NFIL3: variants seen among roughly 807,000 people sequenced by gnomAD.
The protein encoded by NFIL3 is nuclear factor interleukin-3-regulated protein.
NFIL3 carries 5 observed loss-of-function variants against 10.0 expected under a neutral mutation model. The observed-to-expected ratio is 0.50, with a 90% confidence interval of 0.26 to 1.06. The LOEUF is 1.06. Among genes scored for constraint, NFIL3 ranks in the 50% least tolerant of loss-of-function variants. NFIL3 has a pLI of 0.13. For synonymous variants in NFIL3, 202 were observed against 206.5 expected (o/e 0.98, Z 0.19); for missense variants, 436 against 547.6 (o/e 0.80, Z 2.03).
the NFIL3 span, among the ~76,000 whole-genome samples, chr9:91,470,534 G>A: frequency 6.6e-6 from 1 of 151,976 alleles, no homozygotes; most frequent in South Asian, 2.1e-4. Context: ...GTTCTGCTCT[G>A]ATCTTAGTTA....
the NFIL3 span, among the ~76,000 whole-genome samples, chr9:91,478,534 A>C: frequency 6.6e-6 from 1 of 151,872 alleles, no homozygotes; most frequent in African/African-American, 2.4e-5. Flanking sequence ...TCTAGTTAGC[A>C]GTTCCTCTAA....
the NFIL3 span, among the ~76,000 whole-genome samples, chr9:91,466,603 G>C: frequency 3.3e-5 from 5 of 152,120 alleles, no homozygotes; most frequent in African/African-American, 1.2e-4. Flanking sequence ...TAATACTTAA[G>C]TTGTAAGACA....
At chr9:91,438,133 G>A in the NFIL3 span, among the ~76,000 whole-genome samples, 2 of 152,102 alleles carry the variant, frequency 1.3e-5, no homozygotes, top group Admixed American at 6.6e-5. Flanking sequence ...CCAGCACTAT[G>A]CAAGCCTTCC....
chr9:91,416,241 T>C (rs552065821), intron 1 of NFIL3, among the ~76,000 whole-genome samples: 1 of 152,050 alleles, frequency 6.6e-6, no homozygotes, highest in East Asian at 1.9e-4. Flanking sequence ...GACCCTCTCA[T>C]TTTGCAGATT....
At chr9:91,422,946 A>C (rs147407227) in intron 1 of NFIL3, among the ~76,000 whole-genome samples, 28 of 152,346 alleles carry the variant, frequency 1.8e-4, no homozygotes, top group African/African-American at 6.3e-4. Flanking sequence ...ACATACGCGC[A>C]TATTCCCACA....
the NFIL3 span, among the ~76,000 whole-genome samples, chr9:91,463,473 A>G: frequency 3.3e-5 from 5 of 151,972 alleles, no homozygotes; most frequent in Non-Finnish European, 7.4e-5. Flanking sequence ...GACAAATGTA[A>G]TATATAGAAG....
chr9:91,436,622 A>AACAAC, the NFIL3 span, among the ~76,000 whole-genome samples: 645 of 131,772 alleles, frequency 4.9e-3, 3 homozygotes, highest in African/African-American at 0.013. Context: ...ACAACAACAA[A>AACAAC]GAGTTGAAGG....
the NFIL3 span, among the ~76,000 whole-genome samples, chr9:91,446,792 T>TTC: frequency 0.075 from 10,971 of 145,512 alleles, 419 homozygotes; most frequent in Middle Eastern, 0.12. Flanking sequence ...CTCCCTCCCT[T>TTC]TCTCTCTCTC....
At chr9:91,438,797 T>C in the NFIL3 span, among the ~76,000 whole-genome samples, 449 of 152,316 alleles carry the variant, frequency 2.9e-3, 8 homozygotes, top group East Asian at 0.044. Context: ...CTTGGTGCCT[T>C]GGTCAAAACT....
intron 1 of NFIL3, among the ~76,000 whole-genome samples, chr9:91,419,997 G>A (rs538094384): frequency 6.6e-6 from 1 of 152,294 alleles, no homozygotes; most frequent in Admixed American, 6.5e-5. Context: ...TTTAGATAGA[G>A]AAATCATCCA....
chr9:91,458,605 T>C, the NFIL3 span, among the ~76,000 whole-genome samples: 1 of 152,166 alleles, frequency 6.6e-6, no homozygotes, highest in Non-Finnish European at 1.5e-5. Context: ...GTTTTATTGA[T>C]TCTATTTTTT....
chr9:91,450,302 G>A, the NFIL3 span, among the ~76,000 whole-genome samples: 2 of 152,096 alleles, frequency 1.3e-5, no homozygotes, highest in Middle Eastern at 3.4e-3. Context: ...TTAGGCTACT[G>A]ATGTGAGATC....
chr9:91,478,612 G>A, the NFIL3 span, among the ~76,000 whole-genome samples: 1 of 151,996 alleles, frequency 6.6e-6, no homozygotes, highest in Non-Finnish European at 1.5e-5. Flanking sequence ...GGAGGAGTTT[G>A]TTATTACCCA....
Position 91,409,453 on chromosome 9 carries a change from G to T in NFIL3, c.1282C>A (p.Pro428Thr), listed in dbSNP as rs745424263. 3.1e-6 allele frequency: 5 copies of T among 1,614,054 alleles called. No homozygotes were observed. In the Admixed American group the frequency reaches 8.3e-5, roughly 27 times the overall value. The change falls in exon 2 of 2, where the codon CCA becomes ACA. Residue 428 changes from proline (P) to threonine (T), a missense_variant. Physicochemically the swap from Pro to Thr is conservative, Grantham distance 38 (BLOSUM62 -1). This residue lies in a region of NFIL3 where 338 missense variants were observed against 399.9 expected (regional missense o/e 0.85). Transcript: ENST00000297689. ...MKDSGYKVSD[P>T]ENLYLKQGIA... The stretch of plus-strand genomic sequence containing the variant: ...CCCTGCTTCAAATACAAGTTCTCTG[G>T]GTCAGAAACTTTGTAGCCACTGTCT...
chr9:91,439,018 T>G, the NFIL3 span, among the ~76,000 whole-genome samples: 2 of 152,182 alleles, frequency 1.3e-5, no homozygotes, highest in African/African-American at 2.4e-5. Context: ...TGTCGTTCCA[T>G]ATGAATTTCT....
At chr9:91,445,624 G>A in the NFIL3 span, among the ~76,000 whole-genome samples, 2 of 152,162 alleles carry the variant, frequency 1.3e-5, no homozygotes, top group Admixed American at 6.5e-5. Flanking sequence ...AGTTCTCTGA[G>A]GGGTGGGGTG....
chr9:91,462,390 TGA>T, the NFIL3 span, among the ~76,000 whole-genome samples: 1 of 152,146 alleles, frequency 6.6e-6, no homozygotes, highest in Admixed American at 6.5e-5. Context: ...TCTTGTTTGC[TGA>T]GAGTTTCTAT....
rs755807035 is a variant in NFIL3 at position 91,409,496 on chromosome 9, A to G, written c.1239T>C (p.Thr413=). Residue 413 remains threonine (T), a synonymous_variant, in exon 2 of 2, where the codon ACT becomes ACC. Transcript: ENST00000297689. ...LSGKTQNSFK[T]GVVEMKDSGY... ...CACTGTCTTTCATTTCAACAACTCC[A>G]GTTTTGAAACTATTCTGAGTTTTGC... 3.1e-6 allele frequency: 5 copies of G among 1,613,932 alleles called. No individual in the cohort carries two copies. The Admixed American group carries it at 6.7e-5, about 22-fold the overall frequency.
chr9:91,471,240 C>T, the NFIL3 span, among the ~76,000 whole-genome samples: 1 of 152,158 alleles, frequency 6.6e-6, no homozygotes, highest in Middle Eastern at 3.4e-3. Context: ...ATAGTTAGCT[C>T]TTCTCGTTGA....
Sources: gnomAD v4.1 joint callset for allele counts (sites outside exome capture counted in the v4.1 genomes callset) on GRCh38, gnomAD v4.1.1 for gene constraint, gnomAD v4.1.1 regional missense constraint, MANE v1.5 for transcripts, NCBI Gene and HGNC (gene_info 2026-07-23, HGNC 2026-07-21) for gene names.